The following GRIN2A variants were observed in gnomAD, a reference collection of about 807,000 sequenced individuals.
GRIN2A encodes the protein glutamate receptor ionotropic, NMDA 2A.
Under a neutral mutation model 113.4 loss-of-function variants are expected in GRIN2A, and 22 were observed. The observed-to-expected ratio is 0.19, with a 90% CI of 0.14 to 0.28. GRIN2A has a LOEUF of 0.28. Ranked by LOEUF, GRIN2A falls within the 10% of genes least tolerant of loss-of-function variation. The pLI is 1.00. For missense variants in GRIN2A, 1,502 were observed against 1,887.0 expected (o/e 0.80, Z 3.78); for synonymous variants, 827 against 738.4 (o/e 1.12, Z -1.94).
chr16:10,007,984 G>A (rs112863879), intron 2 of GRIN2A, among the ~76,000 whole-genome samples: 8 of 152,268 alleles, frequency 5.3e-5, no homozygotes, highest in Admixed American at 2.6e-4. Flanking sequence ...TAAGATACAA[G>A]TAGTATTCTT....
intron 2 of GRIN2A, among the ~76,000 whole-genome samples, chr16:9,979,357 G>C (rs1490210071): frequency 3.9e-5 from 6 of 152,156 alleles, no homozygotes; most frequent in Non-Finnish European, 7.3e-5. Context: ...CTCTACAATA[G>C]ACCTTGACAG....
At chr16:10,171,796 G>C (rs2142360116) in intron 2 of GRIN2A, among the ~76,000 whole-genome samples, 1 of 152,284 alleles carries the variant, frequency 6.6e-6, no homozygotes, top group African/African-American at 2.4e-5. Context: ...ACTGAGACAT[G>C]GACTAATATC....
At chr16:9,880,343 C>G (rs999354511) in intron 4 of GRIN2A, among the ~76,000 whole-genome samples, 1 of 152,210 alleles carries the variant, frequency 6.6e-6, no homozygotes, top group Non-Finnish European at 1.5e-5. Flanking sequence ...TTTCTTTCTG[C>G]AACTATTAGG....
At chr16:9,869,166 GGC>G in intron 4 of GRIN2A, among the ~76,000 whole-genome samples, 1 of 152,264 alleles carries the variant, frequency 6.6e-6, no homozygotes, top group Non-Finnish European at 1.5e-5. Context: ...CAGGAGCGGT[GGC>G]TCACATCTGC....
intron 2 of GRIN2A, among the ~76,000 whole-genome samples, chr16:10,058,829 A>G (rs1424065494): frequency 2.6e-5 from 4 of 152,242 alleles, no homozygotes; most frequent in Non-Finnish European, 5.9e-5. Context: ...TACAAGGCCA[A>G]AAAGACAGAT....
chr16:9,816,949 A>G (rs2141282773), intron 10 of GRIN2A, among the ~76,000 whole-genome samples: 1 of 152,340 alleles, frequency 6.6e-6, no homozygotes, highest in African/African-American at 2.4e-5. Context: ...GGAGTCCCAC[A>G]AGGCACAACA....
chr16:9,973,239 T>C (rs2045708929), intron 2 of GRIN2A, among the ~76,000 whole-genome samples: 1 of 152,232 alleles, frequency 6.6e-6, no homozygotes, highest in Non-Finnish European at 1.5e-5. Flanking sequence ...TCTCATCCTC[T>C]GGCTTTAGGC....
Position 9,910,537 on chromosome 16 carries a change from C to CTT in GRIN2A, c.1008-19439_1008-19438dup, listed in dbSNP as rs35352418. Among the ~76,000 whole-genome samples the CTT allele has an allele frequency of 2.3e-3, 285 of 123,226 alleles. 3 individuals carry two copies. Among genetic ancestry groups the CTT allele is most frequent in the South Asian group, 6.2e-3 (23 of 3,732 alleles). The allele number at this position is 123,226 out of a possible 152,430, so 80.8% of individuals were successfully genotyped here. ...GAGTCTCATATGAAGTCTCAGAGTTCTTTTTTTTTTTTTTTTTTTTGAGAC... is the reference window on the plus strand; with the variant it reads ...GAGTCTCATATGAAGTCTCAGAGTTCTTTTTTTTTTTTTTTTTTTTTTGAGAC... On this transcript the variant is annotated intron_variant, in intron 3 of 12. Coordinates refer to ENST00000330684, the MANE Select transcript of GRIN2A (RefSeq NM_001134407.3).
intron 2 of GRIN2A, among the ~76,000 whole-genome samples, chr16:10,042,950 G>T (rs188187647): frequency 3.0e-4 from 46 of 152,282 alleles, no homozygotes; most frequent in South Asian, 1.2e-3. Flanking sequence ...ATACCACTGG[G>T]CCACTGAATC....
intron 2 of GRIN2A, among the ~76,000 whole-genome samples, chr16:10,059,086 T>G (rs1888108883): frequency 6.6e-6 from 1 of 152,110 alleles, no homozygotes; most frequent in Admixed American, 6.6e-5. Context: ...AACTTGGGCA[T>G]CAGAAGAACA....
At chr16:10,176,119 C>A (rs1228697129) in intron 2 of GRIN2A, among the ~76,000 whole-genome samples, 1 of 151,166 alleles carries the variant, frequency 6.6e-6, no homozygotes, top group African/African-American at 2.4e-5. Flanking sequence ...ATTCTCCCTG[C>A]CTCAGCCTCC....
intron 3 of GRIN2A, among the ~76,000 whole-genome samples, chr16:9,914,052 C>T (rs2044194363): frequency 6.6e-6 from 1 of 151,278 alleles, no homozygotes; most frequent in South Asian, 2.1e-4. Context: ...ATAGAGGCTC[C>T]CAAGAATGTT....
chr16:10,034,359 T>C (rs2046984419), intron 2 of GRIN2A, among the ~76,000 whole-genome samples: 1 of 151,694 alleles, frequency 6.6e-6, no homozygotes, highest in South Asian at 2.1e-4. Flanking sequence ...ACCCTATCTC[T>C]ACTAAAAATC....
chr16:10,159,954 G>A (rs2049778033), intron 2 of GRIN2A, among the ~76,000 whole-genome samples: 1 of 152,190 alleles, frequency 6.6e-6, no homozygotes, highest in South Asian at 2.1e-4. Context: ...TTTGCCGCAA[G>A]TCAAGGAATG....
chr16:9,964,769 A>G (rs1293152364), intron 2 of GRIN2A, among the ~76,000 whole-genome samples: 1 of 152,138 alleles, frequency 6.6e-6, no homozygotes, highest in East Asian at 1.9e-4. Context: ...AGTTGGTCCC[A>G]CCTTGCTAAT....
Position 9,937,959 on chromosome 16 carries a change from G to T in GRIN2A, c.1007C>A (p.Pro336Gln), listed in dbSNP as rs757262372. The T allele has an allele frequency of 6.2e-7, 1 of 1,609,170 alleles. No homozygotes were observed. Among genetic ancestry groups the T allele is most frequent in the Non-Finnish European group, 8.5e-7 (1 of 1,175,692 alleles). ...TGGGAGACAACAAGCCCTTTCTTAC[G>T]GGTGCAAGGTGTGCATCGGGACCTC... ...RPEVPMHTLH[P>Q]FMVNVTWDGK... Residue 336 changes from proline to glutamine, a missense_variant and splice_region_variant, in exon 3 of 13, where the codon CCA becomes CAA. Coordinates refer to ENST00000330684, the MANE Select transcript of GRIN2A (RefSeq NM_001134407.3).
chr16:9,767,552 G>A (rs1900994842), intron 12 of GRIN2A, among the ~76,000 whole-genome samples: 1 of 151,176 alleles, frequency 6.6e-6, no homozygotes, highest in South Asian at 2.1e-4. Flanking sequence ...CCTAATTAAT[G>A]AAGTTCTTCC....
chr16:9,906,650 C>A (rs529719838), intron 3 of GRIN2A, among the ~76,000 whole-genome samples: 139 of 152,278 alleles, frequency 9.1e-4, no homozygotes, highest in Non-Finnish European at 1.5e-3. Context: ...TGGAGGCAAA[C>A]AACTCACCTT....
At chr16:9,894,191 C>T (rs1412607667) in intron 3 of GRIN2A, among the ~76,000 whole-genome samples, 4 of 152,144 alleles carry the variant, frequency 2.6e-5, no homozygotes, top group East Asian at 1.9e-4. Flanking sequence ...AAGTAGGAAA[C>T]GGCTTAGTAA....
Sources: allele counts gnomAD v4.1 joint callset (sites outside exome capture counted in the v4.1 genomes callset), GRCh38; gene constraint gnomAD v4.1.1; transcripts MANE v1.5; gene names NCBI Gene and HGNC (gene_info 2026-07-23, HGNC 2026-07-21).